Variants in NEAT1 observed in about 807,000 individuals in gnomAD.
NEAT1 encodes MENepsilon/beta.
At chr11:65,428,819 T>C (rs1376654817) in exon 1 of NEAT1, 1 of 152,044 alleles carries the variant, frequency 6.6e-6, no homozygotes, top group South Asian at 2.1e-4. Context: ...TAATTCTTCA[T>C]TGAGTTCTAA....
chr11:65,423,061 G>A (rs905231086), exon 1 of NEAT1: 6 of 152,226 alleles, frequency 3.9e-5, no homozygotes. Context: ...CCTGGTGGAG[G>A]GGGAACTTGA....
At chr11:65,431,583 T>G (rs1188786420) in exon 1 of NEAT1, 1 of 152,228 alleles carries the variant, frequency 6.6e-6, no homozygotes, top group Non-Finnish European at 1.5e-5. Flanking sequence ...ATTTTCTGCT[T>G]TTTTTAGATT....
chr11:65,429,832 G>A (rs1014653204), exon 1 of NEAT1: 2 of 152,240 alleles, frequency 1.3e-5, no homozygotes, highest in Admixed American at 1.3e-4. Context: ...CGTGGTGTGT[G>A]TTGTGGAATC....
At chr11:65,427,680 C>T (rs1474376402) in exon 1 of NEAT1, 1 of 152,108 alleles carries the variant, frequency 6.6e-6, no homozygotes, top group Admixed American at 6.6e-5. Flanking sequence ...CTGGATGCCC[C>T]AGAAACAATC....
chr11:65,427,083 C>T (rs1856568942), exon 1 of NEAT1: 1 of 152,094 alleles, frequency 6.6e-6, no homozygotes, highest in African/African-American at 2.4e-5. Flanking sequence ...AGTAAGCAAG[C>T]AGAGGCTGTG....
exon 1 of NEAT1, chr11:65,445,362 A>G (rs941387658): frequency 1.4e-5 from 2 of 146,144 alleles, no homozygotes; most frequent in Non-Finnish European, 3.0e-5. Context: ...CTGGGGGACA[A>G]TGTCCCCTGG....
exon 1 of NEAT1, chr11:65,422,887 G>C (rs575373308): frequency 6.6e-6 from 1 of 152,648 alleles, no homozygotes; most frequent in East Asian, 1.9e-4. Context: ...GACAGGGAGA[G>C]ATGACTGAGT....
chr11:65,437,218 T>C (rs1856668025), exon 1 of NEAT1: 1 of 143,204 alleles, frequency 7.0e-6, no homozygotes, highest in South Asian at 2.1e-4. Flanking sequence ...TATGTATATA[T>C]ATATATATAC....
chr11:65,423,652 C>G (rs909873595), exon 1 of NEAT1: 9 of 152,292 alleles, frequency 5.9e-5, no homozygotes, highest in African/African-American at 1.4e-4. Context: ...TTGGACTTTT[C>G]TCTAGGTTTG....
At chr11:65,427,737 G>A (rs575071945) in exon 1 of NEAT1, 1 of 152,100 alleles carries the variant, frequency 6.6e-6, no homozygotes, top group African/African-American at 2.4e-5. Context: ...TTTTACCCCA[G>A]CACCTCTATA....
exon 1 of NEAT1, chr11:65,444,510 AG>A: frequency 4.1e-6 from 2 of 491,718 alleles, no homozygotes; most frequent in South Asian, 3.0e-5. Context: ...CACTAGCAGG[AG>A]GGGCTCCAGG....
chr11:65,436,076 G>A (rs1431645422), exon 1 of NEAT1: 2 of 152,186 alleles, frequency 1.3e-5, no homozygotes, highest in South Asian at 2.1e-4. Context: ...CACACTTTCT[G>A]TCTTCTAAAG....
exon 1 of NEAT1, chr11:65,430,792 C>T (rs535834561): frequency 1.3e-5 from 2 of 152,314 alleles, no homozygotes; most frequent in African/African-American, 4.8e-5. Flanking sequence ...CAGAAAGCTA[C>T]ACTTCCTGTT....
At chr11:65,444,333 AGTT>A (rs1271889830) in exon 1 of NEAT1, 12 of 394,988 alleles carry the variant, frequency 3.0e-5, no homozygotes, top group Non-Finnish European at 6.0e-5. Flanking sequence ...AAAAGAGAGA[AGTT>A]GTGGAGAAAT....
At chr11:65,428,127 C>G (rs548498730) in exon 1 of NEAT1, 1 of 152,304 alleles carries the variant, frequency 6.6e-6, no homozygotes, top group South Asian at 2.1e-4. Flanking sequence ...CGTTTGCATC[C>G]TTATGCATAG....
exon 1 of NEAT1, chr11:65,435,889 A>G (rs1032725826): frequency 1.3e-5 from 2 of 152,208 alleles, no homozygotes; most frequent in Admixed American, 1.3e-4. Context: ...AAATAAACCA[A>G]AAACAAACTA....
At chr11:65,441,044 C>G (rs1856709756) in exon 1 of NEAT1, 1 of 151,918 alleles carries the variant, frequency 6.6e-6, no homozygotes, top group African/African-American at 2.4e-5. Context: ...TAGTGCATGA[C>G]TTTGGCCAAA....
chr11:65,423,749 G>C (rs1856527975), exon 1 of NEAT1: 1 of 152,164 alleles, frequency 6.6e-6, no homozygotes, highest in African/African-American at 2.4e-5. Context: ...TGGTCATCTG[G>C]TAAGCCCGGG....
At chr11:65,441,769 T>C (rs1856716584) in exon 1 of NEAT1, 1 of 152,274 alleles carries the variant, frequency 6.6e-6, no homozygotes, top group Admixed American at 6.5e-5. Flanking sequence ...TCATTAATCT[T>C]TTCCTCCGGC....
Sources: allele counts gnomAD v4.1 joint callset, GRCh38; gene constraint gnomAD v4.1.1; transcripts MANE v1.5; gene names NCBI Gene and HGNC (gene_info 2026-07-23, HGNC 2026-07-21).